HHLA1: variants seen among roughly 807,000 people sequenced by gnomAD.
HHLA1 encodes HHLA1 neighbor of OC90.
Under a neutral mutation model 69.9 loss-of-function variants are expected in HHLA1, and 72 were observed. That is an observed-to-expected ratio of 1.03 (90% confidence interval 0.85 to 1.25). The LOEUF is 1.25. Ranked by LOEUF, HHLA1 falls within the 50% of genes most tolerant of loss-of-function variation. The pLI, the probability that HHLA1 is intolerant of heterozygous loss-of-function variation, is 0.00. For synonymous variants in HHLA1, 252 were observed against 233.2 expected, an observed-to-expected ratio of 1.08 and a Z score of -0.73; for missense variants, 685 against 642.2, an observed-to-expected ratio of 1.07 and a Z score of -0.72.
At chr8:132,098,745 GC>G (rs1397709543) in intron 5 of HHLA1, 136 bp downstream of exon 5, 1 of 609,620 alleles carries the variant, frequency 1.6e-6, no homozygotes, top group African/African-American at 1.9e-5. Flanking sequence ...ACTGAGCTCA[GC>G]CTATTCTCCA....
In HHLA1 at chr8:132,063,659, T is replaced by A. The variant is rs958113789; in HGVS notation, c.*336A>T. 23 of 166,560 alleles carry A rather than the reference T, an allele frequency of 1.4e-4. No individual in the cohort carries two copies. The highest frequency in any genetic ancestry group is 5.4e-4 in the African/African-American group (23 of 42,444). 10.3% of individuals were successfully genotyped at this position (166,560 alleles called of 1,614,324 possible). On this transcript the variant is annotated 3_prime_UTR_variant, in exon 17 of 17. Transcript: ENST00000414222. ...TTGTGCAGGCTAGAGTGCCCACGCA[T>A]CCCCAGTTTTTAAATTGTCAGGATT...
intron 5 of HHLA1, among the ~76,000 whole-genome samples, chr8:132,097,776 A>C (rs1210433932): frequency 6.6e-6 from 1 of 152,198 alleles, no homozygotes; most frequent in African/African-American, 2.4e-5. Flanking sequence ...GGCAGGAGCT[A>C]TATCTCTGTA....
intron 10 of HHLA1, among the ~76,000 whole-genome samples, chr8:132,083,481 C>T (rs1823798086): frequency 6.6e-6 from 1 of 152,104 alleles, no homozygotes; most frequent in South Asian, 2.1e-4. Flanking sequence ...GCTTCCGAGG[C>T]AATCGGGCAG....
At chr8:132,076,440 C>G in intron 13 of HHLA1, 35 bp downstream of exon 13, 1 of 1,269,064 alleles carries the variant, frequency 7.9e-7, no homozygotes, top group Non-Finnish European at 1.1e-6. Context: ...CCATCCCCCA[C>G]CCCCAAACCC....
intron 7 of HHLA1, among the ~76,000 whole-genome samples, chr8:132,093,554 G>A (rs2130893642): frequency 6.6e-6 from 1 of 152,250 alleles, no homozygotes; most frequent in East Asian, 1.9e-4. Flanking sequence ...GTAGCGCTGT[G>A]ACTTCTTGTC....
chr8:132,088,553 T>C (rs780003842), intron 8 of HHLA1, among the ~76,000 whole-genome samples: 2 of 152,194 alleles, frequency 1.3e-5, no homozygotes, highest in African/African-American at 2.4e-5. Flanking sequence ...TGGGGTTGCA[T>C]GTCTCTCATA....
intron 1 of HHLA1, among the ~76,000 whole-genome samples, chr8:132,108,014 A>G (rs188024933): frequency 1.3e-5 from 2 of 152,322 alleles, no homozygotes; most frequent in African/African-American, 4.8e-5. Context: ...TGAGTTGGCC[A>G]TTGTGATCTG....
chr8:132,071,293 A>C, intron 15 of HHLA1, 47 bp downstream of exon 15: 1 of 1,506,120 alleles, frequency 6.6e-7, no homozygotes, highest in Non-Finnish European at 9.0e-7. Context: ...ACGGAATAAG[A>C]AAGCTATAAA....
At chr8:132,088,045 T>C in intron 8 of HHLA1, 144 bp from the exon 9 acceptor site, 1 of 667,876 alleles carries the variant, frequency 1.5e-6, no homozygotes, top group Admixed American at 2.7e-5. Context: ...AAGGCAGTCC[T>C]CATTTTCCAA....
At chr8:132,108,384 T>C (rs1404624095) in intron 1 of HHLA1, among the ~76,000 whole-genome samples, 2 of 152,158 alleles carry the variant, frequency 1.3e-5, no homozygotes, top group Non-Finnish European at 2.9e-5. Context: ...AGACAGATAA[T>C]GTTCTTCATA....
intron 11 of HHLA1, among the ~76,000 whole-genome samples, chr8:132,078,655 T>C (rs1325840710): frequency 6.6e-6 from 1 of 152,188 alleles, no homozygotes; most frequent in Non-Finnish European, 1.5e-5. Flanking sequence ...CTGTGTACAA[T>C]AGTTCTTTGT....
At chr8:132,099,643 C>T (rs1824082304) in intron 4 of HHLA1, among the ~76,000 whole-genome samples, 1 of 152,114 alleles carries the variant, frequency 6.6e-6, no homozygotes, top group African/African-American at 2.4e-5. Context: ...CACATGGGAT[C>T]AGGAGTTTGA....
At chr8:132,100,019 G>T in intron 4 of HHLA1, 56 bp downstream of exon 4, 1 of 1,307,396 alleles carries the variant, frequency 7.6e-7, no homozygotes, top group South Asian at 1.3e-5. Flanking sequence ...CTAGAGAAGT[G>T]GAGGAATTGC....
At chr8:132,108,027 C>A (rs1824234311) in intron 1 of HHLA1, among the ~76,000 whole-genome samples, 1 of 152,172 alleles carries the variant, frequency 6.6e-6, no homozygotes, top group Non-Finnish European at 1.5e-5. Context: ...GTGATCTGGG[C>A]TAACTTACTT....
intron 3 of HHLA1, 22 bp from the exon 4 acceptor site, chr8:132,100,156 T>C: frequency 1.3e-6 from 2 of 1,522,268 alleles, no homozygotes; most frequent in Non-Finnish European, 8.9e-7. Context: ...ACAGTTTTCA[T>C]GAGAAAAATG....
At position 132,079,714 on chromosome 8, in the gene HHLA1, T is replaced by C. The variant is rs1823707303; in HGVS notation, c.925+4A>G. 1 of 1,542,262 alleles carries C rather than the reference T, an allele frequency of 6.5e-7. No individual in the cohort carries two copies. The highest frequency in any genetic ancestry group is 8.7e-7 in the Non-Finnish European group (1 of 1,142,872). On this transcript the variant is annotated splice_donor_region_variant and intron_variant, in intron 11 of 16. Transcript: ENST00000414222. ...GGGGAGGAAAGGGTGAGAATGCATC[T>C]TACCCAAGGCTGGGAGAGTGTGGGA... is the stretch of plus-strand genomic sequence containing the variant.
intron 10 of HHLA1, among the ~76,000 whole-genome samples, chr8:132,086,653 GGAAA>G (rs1823869665): frequency 1.3e-5 from 2 of 152,156 alleles, no homozygotes; most frequent in Non-Finnish European, 2.9e-5. Context: ...GGAATGTCAT[GGAAA>G]GACTCTCCAA....
intron 10 of HHLA1, among the ~76,000 whole-genome samples, chr8:132,082,695 G>A: frequency 6.6e-6 from 1 of 152,080 alleles, no homozygotes. Context: ...AGGGGTGCAG[G>A]GGAATAGTGA....
At chr8:132,070,870 A>G (rs1333649970) in intron 15 of HHLA1, among the ~76,000 whole-genome samples, 2 of 151,820 alleles carry the variant, frequency 1.3e-5, no homozygotes, top group Non-Finnish European at 2.9e-5. Flanking sequence ...ACACAACTCA[A>G]CTCATCTCAA....
Sources: gnomAD v4.1 joint callset for allele counts (sites outside exome capture counted in the v4.1 genomes callset) on GRCh38, gnomAD v4.1.1 for gene constraint, MANE v1.5 for transcripts, NCBI Gene and HGNC (gene_info 2026-07-23, HGNC 2026-07-21) for gene names.